Variants in UNC13C observed in about 807,000 individuals in gnomAD.
The protein encoded by UNC13C is protein unc-13 homolog C.
Under a neutral mutation model 245.4 loss-of-function variants are expected in UNC13C, and 174 were observed. The ratio of observed to expected loss-of-function variants is 0.71; its 90% CI spans 0.63 to 0.80. The LOEUF (loss-of-function observed/expected upper bound fraction) is 0.80. Among genes scored for constraint, UNC13C ranks in the 30% least tolerant of loss-of-function variants. The pLI is 0.00. For missense variants in UNC13C, 2,829 were observed against 2,602.9 expected (o/e 1.09, Z -1.89); for synonymous variants, 992 against 895.1 (o/e 1.11, Z -1.93).
intron 2 of UNC13C, among the ~76,000 whole-genome samples, chr15:54,080,554 CA>C (rs1898887172): frequency 6.6e-6 from 1 of 151,822 alleles, no homozygotes; most frequent in Non-Finnish European, 1.5e-5. Context: ...CTTGGGAAGT[CA>C]TATGTTTCCA....
chr15:54,082,132 G>GCCT (rs1898975577), intron 2 of UNC13C, among the ~76,000 whole-genome samples: 2 of 152,076 alleles, frequency 1.3e-5, no homozygotes, highest in Non-Finnish European at 1.5e-5. Context: ...TTCTGGTTTA[G>GCCT]AAGACCGCTG....
chr15:54,145,299 T>A (rs1376744673), intron 4 of UNC13C, among the ~76,000 whole-genome samples: 2 of 152,160 alleles, frequency 1.3e-5, no homozygotes, highest in Non-Finnish European at 2.9e-5. Context: ...CATCCACATG[T>A]TACTTATTTT....
In UNC13C at chr15:54,623,787, T is replaced by G; in HGVS notation, c.6200-8T>G. 6.2e-7 allele frequency: 1 copy of G among 1,606,784 alleles called. No homozygotes were observed. Among genetic ancestry groups the G allele is most frequent in the Non-Finnish European group, 8.5e-7 (1 of 1,176,722 alleles). The stretch of plus-strand genomic sequence containing the variant: ...GTTTGCTAAAATGTGATATTTCCTT[T>G]TTTTTAGTGATTGCTATTAATGACC... On this transcript the variant is annotated splice_polypyrimidine_tract_variant and splice_region_variant and intron_variant, in intron 31 of 32. Coordinates refer to ENST00000260323, the MANE Select transcript of UNC13C (RefSeq NM_001080534.3).
chr15:53,892,627 T>C, the UNC13C span, among the ~76,000 whole-genome samples: 4 of 152,202 alleles, frequency 2.6e-5, no homozygotes, highest in Admixed American at 2.0e-4. Context: ...TAAGTTGATC[T>C]TCAGTCTCTG....
chr15:54,067,012 G>A (rs1220382574), intron 2 of UNC13C, among the ~76,000 whole-genome samples: 1 of 151,996 alleles, frequency 6.6e-6, no homozygotes, highest in Non-Finnish European at 1.5e-5. Flanking sequence ...TCTAAGACAT[G>A]GCTTGTTTTG....
chr15:53,950,038 C>A, the UNC13C span, among the ~76,000 whole-genome samples: 1 of 152,092 alleles, frequency 6.6e-6, no homozygotes, highest in Non-Finnish European at 1.5e-5. Flanking sequence ...TATATCTAGA[C>A]AAACATCTGT....
the UNC13C span, among the ~76,000 whole-genome samples, chr15:53,845,842 C>T: frequency 6.6e-6 from 1 of 152,062 alleles, no homozygotes; most frequent in Non-Finnish European, 1.5e-5. Context: ...TTGCAGGCAG[C>T]ATCATTTTTC....
At chr15:54,598,979 TAAA>T (rs1266258926) in intron 30 of UNC13C, among the ~76,000 whole-genome samples, 4 of 152,168 alleles carry the variant, frequency 2.6e-5, no homozygotes, top group African/African-American at 9.7e-5. Context: ...TGTGCTATGG[TAAA>T]ATAATATAAT....
At chr15:54,478,068 G>T (rs1289576221) in intron 19 of UNC13C, among the ~76,000 whole-genome samples, 2 of 151,662 alleles carry the variant, frequency 1.3e-5, no homozygotes, top group African/African-American at 4.8e-5. Context: ...ATTTATCCGT[G>T]TCTTCTAGAT....
intron 7 of UNC13C, among the ~76,000 whole-genome samples, chr15:54,248,394 T>G (rs12902903): frequency 0.13 from 19,261 of 152,180 alleles, 1,407 homozygotes; most frequent in Non-Finnish European, 0.16. Context: ...ATGAAAAATC[T>G]GTTATGCCAA....
downstream of UNC13C, chr15:54,628,742 A>T (rs1901359619): frequency 2.6e-5 from 4 of 152,144 alleles, no homozygotes; most frequent in South Asian, 8.3e-4. Flanking sequence ...AAAAGTTTAG[A>T]TGTCAGAATG....
At chr15:54,233,688 TAA>T (rs1182870626) in intron 4 of UNC13C, among the ~76,000 whole-genome samples, 1 of 152,214 alleles carries the variant, frequency 6.6e-6, no homozygotes, top group Non-Finnish European at 1.5e-5. Flanking sequence ...CCATTAAGAC[TAA>T]GTTTCCTTAT....
At chr15:54,008,453 G>A (rs1168260415) in intron 1 of UNC13C, among the ~76,000 whole-genome samples, 1 of 152,132 alleles carries the variant, frequency 6.6e-6, no homozygotes, top group Non-Finnish European at 1.5e-5. Context: ...TATTACTAAG[G>A]CTTCCTATAA....
intron 8 of UNC13C, among the ~76,000 whole-genome samples, chr15:54,263,270 C>G (rs1478436292): frequency 6.6e-6 from 1 of 152,154 alleles, no homozygotes; most frequent in East Asian, 1.9e-4. Context: ...CCTGTAGACA[C>G]TGGTACATGA....
chr15:54,307,616 A>G (rs951532623), intron 13 of UNC13C, among the ~76,000 whole-genome samples: 1 of 151,978 alleles, frequency 6.6e-6, no homozygotes, highest in Non-Finnish European at 1.5e-5. Flanking sequence ...GGGCATAGGT[A>G]TAGAGGAAGC....
At chr15:54,541,682 T>C (rs1340740290) in intron 26 of UNC13C, among the ~76,000 whole-genome samples, 1 of 152,134 alleles carries the variant, frequency 6.6e-6, no homozygotes, top group Non-Finnish European at 1.5e-5. Flanking sequence ...TTTTGAGTTG[T>C]AATATGGGTA....
chr15:54,093,724 T>C (rs1026172402), intron 2 of UNC13C, among the ~76,000 whole-genome samples: 1 of 152,212 alleles, frequency 6.6e-6, no homozygotes, highest in Non-Finnish European at 1.5e-5. Context: ...GTTGAGCATA[T>C]GTCTATATCA....
chr15:54,236,408 C>T lies in UNC13C; in HGVS notation c.3151-22C>T, dbSNP rs562381813. 1.9e-5 allele frequency: 30 copies of T among 1,583,160 alleles called. No homozygotes were observed. In the African/African-American group the frequency reaches 3.9e-4, roughly 21 times the overall value. On this transcript the variant is annotated intron_variant, in intron 5 of 32. Transcript: ENST00000260323. ...TATCTAATTATTTACATTTTGTTTC[C>T]TCTCACTTCTGGAATCTTCAGGCCA...
At chr15:54,427,978 A>G (rs2040793752) in intron 19 of UNC13C, among the ~76,000 whole-genome samples, 1 of 151,838 alleles carries the variant, frequency 6.6e-6, no homozygotes, top group Non-Finnish European at 1.5e-5. Flanking sequence ...ATAGGGTTAT[A>G]GCAAAGAATT....
Sources: allele counts gnomAD v4.1 joint callset (sites outside exome capture counted in the v4.1 genomes callset), GRCh38; gene constraint gnomAD v4.1.1; transcripts MANE v1.5; gene names NCBI Gene and HGNC (gene_info 2026-07-23, HGNC 2026-07-21).